ACSS1: variants seen among roughly 807,000 people sequenced by gnomAD.
ACSS1 encodes the protein acyl-CoA synthetase short chain family member 1.
Under a neutral mutation model 75.3 loss-of-function variants are expected in ACSS1, and 42 were observed. That is an observed-to-expected ratio of 0.56 (90% CI 0.44 to 0.72). ACSS1 has a LOEUF of 0.72. ACSS1 is among the 30% of genes least tolerant of loss of function. ACSS1 has a pLI of 0.00. For synonymous variants in ACSS1, 380 were observed against 376.8 expected (o/e 1.01, Z -0.10); for missense variants, 782 against 935.7 (o/e 0.84, Z 2.14).
chr20:25,007,081 G>A lies in ACSS1; in HGVS notation c.*681C>T, dbSNP rs1056712015. On this transcript the variant is annotated 3_prime_UTR_variant, in exon 14 of 14. Transcript: ENST00000323482. ...CTCCATTATACACAACCAAGCACAG[G>A]AGAAACACTCACCAGGAAAAGATGC... 2.8e-6 allele frequency: 4 copies of A among 1,426,432 alleles called. No individual in the cohort carries two copies. In the African/African-American group the frequency reaches 5.7e-5, roughly 20 times the overall value. The allele number at this position is 1,426,432 out of a possible 1,614,324, so 88.4% of individuals were successfully genotyped here. A position where few individuals can be genotyped will look rare whatever the true frequency, so the allele number is the denominator to read the frequency against.
Position 25,030,851 on chromosome 20 carries a change from G to C in ACSS1, c.539C>G (p.Ala180Gly). The C allele has an allele frequency of 6.2e-7, 1 of 1,614,254 alleles. No individual in the cohort carries two copies. Among genetic ancestry groups the C allele is most frequent in the Non-Finnish European group, 8.5e-7 (1 of 1,180,050 alleles). The change falls in exon 3 of 14, where the codon GCA becomes GGA. Residue 180 changes from alanine to glycine, a missense_variant. Around this residue, in one of 2 missense-constraint regions of ACSS1, gnomAD observed 377 missense variants for 383.1 expected, o/e 0.98. Coordinates refer to ENST00000323482, the MANE Select transcript of ACSS1 (RefSeq NM_032501.4). ...IYMPVSPLAV[A>G]AMLACARIGA... ...GATCCTGGCACAGGCCAGCATTGCTGCCACAGCCAATGGGGACACGGGCAT... is the reference window on the plus strand; with the variant it reads ...GATCCTGGCACAGGCCAGCATTGCTCCCACAGCCAATGGGGACACGGGCAT...
At chr20:25,053,656 T>C (rs551248482) in intron 1 of ACSS1, among the ~76,000 whole-genome samples, 13 of 152,246 alleles carry the variant, frequency 8.5e-5, no homozygotes, top group African/African-American at 3.1e-4. Flanking sequence ...GTCAGTGTCC[T>C]GCCTTCTGAA....
intron 1 of ACSS1, among the ~76,000 whole-genome samples, chr20:25,055,041 T>C (rs1282895967): frequency 2.0e-5 from 3 of 152,196 alleles, no homozygotes; most frequent in Admixed American, 6.5e-5. Context: ...TATAAAACCA[T>C]CCTCCTCTGT....
intron 9 of ACSS1, 114 bp from the exon 10 acceptor site, chr20:25,013,776 GAGGAGGGC>G: frequency 6.9e-7 from 1 of 1,448,346 alleles, no homozygotes; most frequent in Non-Finnish European, 9.2e-7. Flanking sequence ...CTCTGCCCCT[GAGGAGGGC>G]CCCAAGCCAC....
chr20:25,024,336 G>A lies in ACSS1; in HGVS notation c.632-695C>T, dbSNP rs559816319. Among the ~76,000 whole-genome samples the A allele has an allele frequency of 2.6e-3, 401 of 152,362 alleles. 1 individual carries two copies. The highest frequency in any genetic ancestry group is 9.5e-3 in the African/African-American group (393 of 41,580). ...AGCAGAGAAGAGGGGTGCACGCACAGTGGGCCTCAAGACCCCAGGAAAAGG... is the reference window on the plus strand; with the variant it reads ...AGCAGAGAAGAGGGGTGCACGCACAATGGGCCTCAAGACCCCAGGAAAAGG... On this transcript the variant is annotated intron_variant, in intron 3 of 13. Coordinates refer to ENST00000323482, the MANE Select transcript of ACSS1 (RefSeq NM_032501.4).
chr20:25,012,561 G>A, intron 12 of ACSS1, 40 bp downstream of exon 12: 1 of 1,610,986 alleles, frequency 6.2e-7, no homozygotes, highest in South Asian at 1.1e-5. Context: ...ATGGGTGTGG[G>A]GTCAGGAATC....
intron 3 of ACSS1, among the ~76,000 whole-genome samples, chr20:25,028,900 CA>C (rs1422857640): frequency 6.6e-6 from 1 of 150,832 alleles, no homozygotes; most frequent in African/African-American, 2.4e-5. Context: ...AGCCTGGCAA[CA>C]GAGCGAGAAT....
Position 25,009,378 on chromosome 20 carries a change from G to A in ACSS1, c.1782C>T (p.Ala594=), listed in dbSNP as rs779706217. The A allele has an allele frequency of 2.5e-6, 4 of 1,614,018 alleles. No homozygotes were observed. Among genetic ancestry groups the A allele is most frequent in the Non-Finnish European group, 3.4e-6 (4 of 1,179,884 alleles). Reference sequence around the variant, plus strand: ...CCGCACTATCTTTCACCACAATGAAGGCAAAGGCAGCTGAAAATAAAGCCA... The same window carrying A: ...CCGCACTATCTTTCACCACAATGAAAGCAAAGGCAGCTGAAAATAAAGCCA... ...PHDIKGEAAF[A]FIVVKDSAGD... is the part of the protein sequence containing the mutation. The change falls in exon 13 of 14, where the codon GCC becomes GCT. Residue 594 remains alanine (A), a synonymous_variant. Transcript: ENST00000323482.
Position 25,006,904 on chromosome 20 carries a change from A to G in ACSS1, c.*858T>C. ...CCTGAGTTTCTAATAGCTTCCCTGA[A>G]GAACCCAACTATTTGGAGTATGTTG... On this transcript the variant is annotated 3_prime_UTR_variant, in exon 14 of 14. Transcript: ENST00000323482. The G allele has an allele frequency of 6.5e-7, 1 of 1,535,526 alleles. No individual in the cohort carries two copies.
At chr20:25,055,218 C>T (rs757553539) in intron 1 of ACSS1, among the ~76,000 whole-genome samples, 4 of 152,160 alleles carry the variant, frequency 2.6e-5, no homozygotes, top group Non-Finnish European at 5.9e-5. Flanking sequence ...ACAGACTCTG[C>T]GAGGAATATA....
intron 1 of ACSS1, among the ~76,000 whole-genome samples, chr20:25,055,746 C>T (rs2089232583): frequency 6.6e-6 from 1 of 152,164 alleles, no homozygotes; most frequent in African/African-American, 2.4e-5. Context: ...TGAGGTGAAG[C>T]TTTCTTCAAG....
chr20:25,015,241 A>C lies in ACSS1; in HGVS notation c.1247-11T>G. 6.3e-7 allele frequency: 1 copy of C among 1,594,604 alleles called. No homozygotes were observed. Among genetic ancestry groups the C allele is most frequent in the Non-Finnish European group, 8.6e-7 (1 of 1,168,138 alleles). On this transcript the variant is annotated splice_polypyrimidine_tract_variant and intron_variant, in intron 7 of 13. Coordinates refer to ENST00000323482, the MANE Select transcript of ACSS1 (RefSeq NM_032501.4). ...TGATGGGCTCTCCCACTGAAACCACACAGAAAGAAAAAGATGTTAACAGGC... is the reference window on the plus strand; with the variant it reads ...TGATGGGCTCTCCCACTGAAACCACCCAGAAAGAAAAAGATGTTAACAGGC...
chr20:25,012,812 G>A lies in ACSS1; in HGVS notation c.1707C>T (p.Ile569=), dbSNP rs373928802. 11 of 1,613,982 alleles carry A rather than the reference G, an allele frequency of 6.8e-6. No individual in the cohort carries two copies. Among genetic ancestry groups the A allele is most frequent in the Admixed American group, 1.7e-5 (1 of 60,002 alleles). Residue 569 remains isoleucine (I), a splice_region_variant and synonymous_variant, in exon 11 of 14, where the codon ATC becomes ATT. Coordinates refer to ENST00000323482, the MANE Select transcript of ACSS1 (RefSeq NM_032501.4). ...RLGTAEIEDA[I]ADHPAVPESA... ...AGGAGGAGGCCCAGCCTGTGCTCACGATGGCGTCCTCAATCTCTGCGGTCC... is the reference window on the plus strand; with the variant it reads ...AGGAGGAGGCCCAGCCTGTGCTCACAATGGCGTCCTCAATCTCTGCGGTCC...
intron 7 of ACSS1, among the ~76,000 whole-genome samples, chr20:25,018,936 T>C (rs1333293547): frequency 6.6e-6 from 1 of 152,182 alleles, no homozygotes; most frequent in Non-Finnish European, 1.5e-5. Flanking sequence ...ACCCTGTAGG[T>C]AGGTCTCATC....
At chr20:25,023,300 G>A (rs41315094) in intron 4 of ACSS1, among the ~76,000 whole-genome samples, 166 bp downstream of exon 4, 19,319 of 152,206 alleles carry the variant, frequency 0.13, 1,478 homozygotes, top group Middle Eastern at 0.23. Flanking sequence ...CATGCTTGTC[G>A]TATAGGAGTT....
At chr20:25,040,474 C>T (rs1305288816) in intron 2 of ACSS1, among the ~76,000 whole-genome samples, 2 of 152,244 alleles carry the variant, frequency 1.3e-5, no homozygotes, top group African/African-American at 2.4e-5. Flanking sequence ...ATACCTGCCT[C>T]GGGCCCAGCG....
rs2088318625 is a variant in ACSS1, at chr20:25,006,886, T to C, written c.*876A>G. On this transcript the variant is annotated 3_prime_UTR_variant, in exon 14 of 14. Transcript: ENST00000323482. ...TAGTGCTCTAACAAGTCACCTGAGT[T>C]TCTAATAGCTTCCCTGAAGAACCCA... 6.5e-7 allele frequency: 1 copy of C among 1,535,494 alleles called. No individual in the cohort carries two copies. The highest frequency in any genetic ancestry group is 1.4e-5 in the African/African-American group (1 of 73,154).
At chr20:25,019,327 C>CATT (rs1568833084) in intron 7 of ACSS1, among the ~76,000 whole-genome samples, 1 of 152,368 alleles carries the variant, frequency 6.6e-6, no homozygotes, top group East Asian at 1.9e-4. Context: ...GCCACCATCA[C>CATT]ATTTCCAAAA....
intron 2 of ACSS1, among the ~76,000 whole-genome samples, chr20:25,033,700 T>A (rs538224881): frequency 6.6e-6 from 1 of 152,336 alleles, no homozygotes; most frequent in African/African-American, 2.4e-5. Flanking sequence ...ACAGCTCCGA[T>A]GAGGAAATGA....
Sources: gnomAD v4.1 joint callset for allele counts (sites outside exome capture counted in the v4.1 genomes callset) on GRCh38, gnomAD v4.1.1 for gene constraint, gnomAD v4.1.1 regional missense constraint, MANE v1.5 for transcripts, NCBI Gene and HGNC (gene_info 2026-07-23, HGNC 2026-07-21) for gene names.